The following SPAM1 variants were observed in gnomAD, a reference collection of about 807,000 sequenced individuals.
The protein encoded by SPAM1 is hyaluronidase PH-20.
A neutral mutation model predicts 29.6 loss-of-function variants in SPAM1; 22 were observed. That is an observed-to-expected ratio of 0.74 (90% CI 0.53 to 1.06). The LOEUF (loss-of-function observed/expected upper bound fraction) is 1.06. Ranked by LOEUF, SPAM1 falls within the 50% of genes least tolerant of loss-of-function variation. The pLI is 0.00. For missense variants in SPAM1, 534 were observed against 604.0 expected (o/e 0.88, Z 1.21); for synonymous variants, 194 against 204.6 (o/e 0.95, Z 0.44).
chr7:123,959,437 A>G (rs1158825706), intron 4 of SPAM1, 47 bp from the exon 5 acceptor site: 1 of 1,362,488 alleles, frequency 7.3e-7, no homozygotes, highest in African/African-American at 1.5e-5. Context: ...TCGCATTTGA[A>G]CTAACTTGTC....
At chr7:123,934,138 A>G (rs541037530) in intron 1 of SPAM1, among the ~76,000 whole-genome samples, 1 of 152,296 alleles carries the variant, frequency 6.6e-6, no homozygotes, top group South Asian at 2.1e-4. Flanking sequence ...CTAGGTTTGT[A>G]TAAGTACACT....
rs779755476 is a variant in SPAM1 at position 123,953,742 on chromosome 7, G to A, written c.172G>A (p.Glu58Lys). Residue 58 changes from glutamate (E) to lysine (K), a missense_variant, in exon 3 of 5, where the codon GAA becomes AAA. Coordinates refer to ENST00000682466, the MANE Select transcript of SPAM1 (RefSeq NM_153189.3). Reference protein sequence around the residue: ...PFLWAWNAPSEFCLGKFDEPL... With the variant: ...PFLWAWNAPSKFCLGKFDEPL... ...CCTCTGGGCCTGGAATGCCCCAAGT[G>A]AATTTTGTCTTGGAAAATTTGATGA... 6.2e-7 allele frequency: 1 copy of A among 1,612,964 alleles called. No individual in the cohort carries two copies. The highest frequency in any genetic ancestry group is 1.1e-5 in the South Asian group (1 of 90,926).
Position 123,959,678 on chromosome 7 carries a change from A to T in SPAM1, c.1239A>T (p.Gly413=). 1 of 1,613,378 alleles carries T rather than the reference A, an allele frequency of 6.2e-7. No homozygotes were observed. Among genetic ancestry groups the T allele is most frequent in the Non-Finnish European group, 8.5e-7 (1 of 1,179,596 alleles). ...DNFAIQLEKG[G]KFTVRGKPTL... is the part of the protein sequence containing the mutation. Reference sequence around the variant, plus strand: ...TTGCTATTCAACTTGAGAAAGGTGGAAAGTTCACAGTACGTGGAAAACCGA... The same window carrying T: ...TTGCTATTCAACTTGAGAAAGGTGGTAAGTTCACAGTACGTGGAAAACCGA... The change falls in exon 5 of 5, where the codon GGA becomes GGT. Residue 413 remains glycine (G), a synonymous_variant. Coordinates refer to ENST00000682466, the MANE Select transcript of SPAM1 (RefSeq NM_153189.3).
rs149210206 is a variant in SPAM1, at chr7:123,959,918, G to A, written c.1479G>A (p.Met493Ile). The A allele has an allele frequency of 1.4e-5, 22 of 1,611,566 alleles. No homozygotes were observed. In the African/African-American group the frequency reaches 2.8e-4, roughly 21 times the overall value. ...NASPSTLSATMFIVSILFLII... is the reference protein window; with the variant it reads ...NASPSTLSATIFIVSILFLII... Reference sequence around the variant, plus strand: ...CACCCTCCACACTATCTGCCACAATGTTCATTGTTAGTATTTTGTTTCTTA... The same window carrying A: ...CACCCTCCACACTATCTGCCACAATATTCATTGTTAGTATTTTGTTTCTTA... The change falls in exon 5 of 5, where the codon ATG becomes ATA. Residue 493 changes from methionine to isoleucine, a missense_variant. Met to Ile is a conservative substitution (Grantham distance 10). Transcript: ENST00000682466.
chr7:123,941,069 TTAAA>T (rs1174748706), intron 1 of SPAM1, among the ~76,000 whole-genome samples: 3 of 152,236 alleles, frequency 2.0e-5, no homozygotes, highest in Non-Finnish European at 4.4e-5. Flanking sequence ...AAAAGAGTAA[TTAAA>T]TAAAATTTTA....
At chr7:123,950,469 A>G (rs558186216) in intron 2 of SPAM1, among the ~76,000 whole-genome samples, 5 of 152,110 alleles carry the variant, frequency 3.3e-5, no homozygotes, top group South Asian at 4.1e-4. Flanking sequence ...CTTTATGTCC[A>G]TGAGTACTCA....
At chr7:123,958,438 A>G (rs1024484791) in intron 4 of SPAM1, among the ~76,000 whole-genome samples, 5 of 152,022 alleles carry the variant, frequency 3.3e-5, no homozygotes, top group African/African-American at 1.2e-4. Flanking sequence ...CCATAACTTG[A>G]CTATATATAA....
Position 123,954,405 on chromosome 7 carries a change from C to T in SPAM1, c.835C>T (p.Arg279Cys), listed in dbSNP as rs772738728. 9.3e-6 allele frequency: 15 copies of T among 1,613,330 alleles called. No individual in the cohort carries two copies. In the East Asian group the frequency reaches 1.8e-4, roughly 19 times the overall value. The stretch of plus-strand genomic sequence containing the variant: ...TCCTGTAGCTGCTACACTCTATGTG[C>T]GCAATCGAGTTCGGGAAGCCATCAG... ...QSPVAATLYV[R>C]NRVREAIRVS... The change falls in exon 3 of 5, where the codon CGC (arginine) becomes TGC (cysteine). Residue 279 changes from arginine (R) to cysteine (C), a missense_variant. Coordinates refer to ENST00000682466, the MANE Select transcript of SPAM1 (RefSeq NM_153189.3).
At chr7:123,937,122 CT>C (rs1808264509) in intron 1 of SPAM1, among the ~76,000 whole-genome samples, 1 of 152,136 alleles carries the variant, frequency 6.6e-6, no homozygotes, top group Non-Finnish European at 1.5e-5. Context: ...AGAGATACCC[CT>C]AATCTAATTG....
chr7:123,957,777 A>G (rs771532422), intron 4 of SPAM1, among the ~76,000 whole-genome samples: 6 of 151,974 alleles, frequency 3.9e-5, no homozygotes, highest in Admixed American at 6.6e-5. Flanking sequence ...TGAGATCCCC[A>G]TTATCTGGCT....
chr7:123,935,491 A>G (rs1300061255), intron 1 of SPAM1, among the ~76,000 whole-genome samples: 1 of 152,216 alleles, frequency 6.6e-6, no homozygotes, highest in African/African-American at 2.4e-5. Context: ...TTGAGAAACC[A>G]GATTCTAGGC....
At chr7:123,960,123 C>A, downstream of SPAM1, 1 of 1,065,456 alleles carries the variant, frequency 9.4e-7, no homozygotes, top group Non-Finnish European at 1.3e-6. Context: ...TTTCTTTGAA[C>A]TTGACAAACA....
chr7:123,933,747 C>A (rs1178386951), intron 1 of SPAM1, among the ~76,000 whole-genome samples: 1 of 152,086 alleles, frequency 6.6e-6, no homozygotes, highest in Non-Finnish European at 1.5e-5. Context: ...ATACATACAT[C>A]ATTTGATTAA....
Position 123,959,928 on chromosome 7 carries a change from A to C in SPAM1, c.1489A>C (p.Ser497Arg), listed in dbSNP as rs765164247. Residue 497 changes from serine (S) to arginine (R), a missense_variant, in exon 5 of 5, where the codon AGT (serine) becomes CGT (arginine). Transcript: ENST00000682466. ...ACTATCTGCCACAATGTTCATTGTTAGTATTTTGTTTCTTATCATTTCTTC... is the reference window on the plus strand; with the variant it reads ...ACTATCTGCCACAATGTTCATTGTTCGTATTTTGTTTCTTATCATTTCTTC... ...STLSATMFIV[S>R]ILFLIISSVA... is the part of the protein sequence containing the mutation. 6.2e-7 allele frequency: 1 copy of C among 1,611,126 alleles called. No homozygotes were observed. Among genetic ancestry groups the C allele is most frequent in the East Asian group, 2.2e-5 (1 of 44,816 alleles).
downstream of SPAM1, among the ~76,000 whole-genome samples, chr7:123,961,720 T>G (rs926415741): frequency 6.6e-6 from 1 of 151,986 alleles, no homozygotes; most frequent in Non-Finnish European, 1.5e-5. Flanking sequence ...TAGTCCATTT[T>G]CACGCTGCTG....
chr7:123,951,870 C>T (rs367686715), intron 2 of SPAM1, among the ~76,000 whole-genome samples: 10 of 152,140 alleles, frequency 6.6e-5, no homozygotes, highest in East Asian at 1.9e-4. Context: ...GATCCACCTG[C>T]CTTGGCCTTC....
chr7:123,945,081 C>T (rs2117044636), intron 1 of SPAM1, among the ~76,000 whole-genome samples: 1 of 152,020 alleles, frequency 6.6e-6, no homozygotes, highest in East Asian at 1.9e-4. Context: ...CTTTAACAAC[C>T]AGTCATTTTA....
chr7:123,970,244 TC>T lies in SPAM1; in HGVS notation c.1533del (p.Ter512GlufsTer19), dbSNP rs751322433. ...CAAGGTATTAGCAGAATTGGTTTCT[TC>T]TGAGAGTCATGAGGGAAAAATGTGT... On this transcript the variant is annotated frameshift_variant, in exon 6 of 7. Transcript: ENST00000340011. LOFTEE classifies it high-confidence loss of function. 2.6e-6 allele frequency: 4 copies of T among 1,548,818 alleles called. No homozygotes were observed. Among genetic ancestry groups the T allele is most frequent in the Non-Finnish European group, 3.5e-6 (4 of 1,145,128 alleles).
rs764607873 is a variant in SPAM1 at position 123,959,908 on chromosome 7, C to T, written c.1469C>T (p.Ser490Phe). The T allele has an allele frequency of 1.9e-6, 3 of 1,612,434 alleles. No homozygotes were observed. Among genetic ancestry groups the T allele is most frequent in the Non-Finnish European group, 2.5e-6 (3 of 1,179,312 alleles). ...TACAATGCTTCACCCTCCACACTATCTGCCACAATGTTCATTGTTAGTATT... is the reference window on the plus strand; with the variant it reads ...TACAATGCTTCACCCTCCACACTATTTGCCACAATGTTCATTGTTAGTATT... Reference protein sequence around the residue: ...IFYNASPSTLSATMFIVSILF... With the variant: ...IFYNASPSTLFATMFIVSILF... The change falls in exon 5 of 5, where the codon TCT becomes TTT. Residue 490 changes from serine to phenylalanine, a missense_variant. Transcript: ENST00000682466.
Sources: gnomAD v4.1 joint callset for allele counts (sites outside exome capture counted in the v4.1 genomes callset) on GRCh38, gnomAD v4.1.1 for gene constraint, MANE v1.5 for transcripts, NCBI Gene and HGNC (gene_info 2026-07-23, HGNC 2026-07-21) for gene names.